The following PCTP variants were observed in gnomAD, a reference collection of about 807,000 sequenced individuals.
PCTP encodes phosphatidylcholine transfer protein.
A neutral mutation model predicts 31.0 loss-of-function variants in PCTP; 27 were observed. The ratio of observed to expected loss-of-function variants is 0.87; its 90% CI spans 0.64 to 1.20. The LOEUF is 1.20. PCTP is among the 50% of genes most tolerant of loss of function. The pLI is 0.00. For synonymous variants in PCTP, 108 were observed against 101.2 expected (o/e 1.07, Z -0.40); for missense variants, 287 against 268.2 (o/e 1.07, Z -0.49).
chr17:55,794,198 C>G (rs1213599986), intron 3 of PCTP, among the ~76,000 whole-genome samples: 1 of 152,074 alleles, frequency 6.6e-6, no homozygotes, highest in Non-Finnish European at 1.5e-5. Context: ...CCCTCTTGCT[C>G]TAATTACATT....
intron 3 of PCTP, among the ~76,000 whole-genome samples, chr17:55,805,136 T>G (rs970476894): frequency 1.8e-4 from 28 of 152,296 alleles, no homozygotes; most frequent in Admixed American, 9.2e-4. Context: ...AATTTGGGGA[T>G]GGGTTGTTTT....
At chr17:55,773,936 C>A (rs749300850) in intron 4 of PCTP, 41 bp downstream of exon 4, 1 of 1,541,926 alleles carries the variant, frequency 6.5e-7, no homozygotes, top group Non-Finnish European at 8.8e-7. Flanking sequence ...AGCCAGGGGT[C>A]CCCCACGGGA....
At chr17:55,810,307 G>C (rs1332225728) in intron 3 of PCTP, among the ~76,000 whole-genome samples, 1 of 152,200 alleles carries the variant, frequency 6.6e-6, no homozygotes, top group Admixed American at 6.5e-5. Flanking sequence ...TTGAGCCATG[G>C]TGCCTGGCCG....
chr17:55,776,350 G>C lies in PCTP; in HGVS notation c.*250G>C. On this transcript the variant is annotated 3_prime_UTR_variant, in exon 6 of 6. Transcript: ENST00000268896. The stretch of plus-strand genomic sequence containing the variant: ...TCTCGCTCCCCCCATCCTGGGCTGG[G>C]CTGCCTTCTTCTACAGTTCAATATG... 1 of 1,346,570 alleles carries C rather than the reference G, an allele frequency of 7.4e-7. No individual in the cohort carries two copies. The highest frequency in any genetic ancestry group is 9.5e-7 in the Non-Finnish European group (1 of 1,053,494). The allele number at this position is 1,346,570 out of a possible 1,614,324, so 83.4% of individuals were successfully genotyped here.
chr17:55,840,294 A>G (rs1389929165), intron 5 of PCTP, among the ~76,000 whole-genome samples: 3 of 152,252 alleles, frequency 2.0e-5, no homozygotes, highest in Non-Finnish European at 4.4e-5. Flanking sequence ...CTCATCACAT[A>G]CAACATGAAT....
chr17:55,776,759 G>A lies in PCTP; in HGVS notation c.*659G>A. On this transcript the variant is annotated 3_prime_UTR_variant, in exon 6 of 6. Coordinates refer to ENST00000268896, the MANE Select transcript of PCTP (RefSeq NM_021213.4). The stretch of plus-strand genomic sequence containing the variant: ...CCAGACCATTTGGAGAAGTATCAGA[G>A]GCCTGACCGGACACATAATATGACA... The A allele has an allele frequency of 8.7e-7, 1 of 1,144,492 alleles. No homozygotes were observed. The highest frequency in any genetic ancestry group is 1.1e-6 in the Non-Finnish European group (1 of 932,728). The allele number at this position is 1,144,492 out of a possible 1,614,324, so 70.9% of individuals were successfully genotyped here.
downstream of PCTP, among the ~76,000 whole-genome samples, chr17:55,823,762 A>T (rs1475937524): frequency 6.6e-6 from 1 of 152,184 alleles, no homozygotes; most frequent in Non-Finnish European, 1.5e-5. Flanking sequence ...ATGTCCAGAG[A>T]CACAACTTTT....
chr17:55,759,185 C>T (rs779985871), intron 1 of PCTP, among the ~76,000 whole-genome samples: 1 of 152,174 alleles, frequency 6.6e-6, no homozygotes, highest in Non-Finnish European at 1.5e-5. Flanking sequence ...CATCTTTAAG[C>T]CTCAGTTTTC....
intron 3 of PCTP, among the ~76,000 whole-genome samples, chr17:55,802,115 G>C (rs1912404543): frequency 6.6e-6 from 1 of 152,146 alleles, no homozygotes; most frequent in African/African-American, 2.4e-5. Context: ...AGAAAATCTA[G>C]AAGAAATGGA....
At chr17:55,805,337 AT>A (rs1912540072) in intron 3 of PCTP, among the ~76,000 whole-genome samples, 1 of 151,870 alleles carries the variant, frequency 6.6e-6, no homozygotes, top group Non-Finnish European at 1.5e-5. Context: ...CCAGTAGGCA[AT>A]TTTTCAACCT....
intron 3 of PCTP, among the ~76,000 whole-genome samples, chr17:55,800,734 C>A (rs1912347367): frequency 6.6e-6 from 1 of 152,074 alleles, no homozygotes; most frequent in South Asian, 2.1e-4. Context: ...AGCCTTTTTG[C>A]ACTGTTTTTT....
intron 3 of PCTP, among the ~76,000 whole-genome samples, chr17:55,822,171 A>AAC (rs763192610): frequency 6.6e-6 from 1 of 152,224 alleles, no homozygotes; most frequent in African/African-American, 2.4e-5. Context: ...AAGCCCACAA[A>AAC]ACAAAGACGT....
chr17:55,836,518 T>C (rs1397317417), intron 5 of PCTP, among the ~76,000 whole-genome samples: 1 of 152,208 alleles, frequency 6.6e-6, no homozygotes, highest in Non-Finnish European at 1.5e-5. Context: ...AATGGCCACC[T>C]AACGCATATT....
Position 55,776,313 on chromosome 17 carries a change from G to T in PCTP, c.*213G>T, listed in dbSNP as rs780693107. 7.3e-7 allele frequency: 1 copy of T among 1,360,656 alleles called. No homozygotes were observed. The highest frequency in any genetic ancestry group is 3.4e-5 in the Admixed American group (1 of 29,140). The allele number at this position is 1,360,656 out of a possible 1,614,324, so 84.3% of individuals were successfully genotyped here. A position where few individuals can be genotyped will look rare whatever the true frequency, so the allele number is the denominator to read the frequency against. The stretch of plus-strand genomic sequence containing the variant: ...TGTTTGCCTGACATCCAGCTCACTC[G>T]TCTGCTTCCTTTCTCGCTCCCCCCA... On this transcript the variant is annotated 3_prime_UTR_variant, in exon 6 of 6. Transcript: ENST00000268896.
chr17:55,789,996 A>C (rs917403024), intron 3 of PCTP, among the ~76,000 whole-genome samples: 12 of 152,234 alleles, frequency 7.9e-5, no homozygotes, highest in African/African-American at 2.9e-4. Context: ...AGCCTGGTTC[A>C]ATATATGAAA....
chr17:55,810,783 C>G (rs372704033), intron 3 of PCTP, among the ~76,000 whole-genome samples: 1 of 152,144 alleles, frequency 6.6e-6, no homozygotes, highest in African/African-American at 2.4e-5. Context: ...AAAATTTAAA[C>G]GCAGAACTAT....
chr17:55,775,014 G>T (rs918674621), intron 5 of PCTP, among the ~76,000 whole-genome samples, 155 bp downstream of exon 5: 16 of 152,176 alleles, frequency 1.1e-4, no homozygotes, highest in African/African-American at 7.2e-5. Flanking sequence ...TCTGGTTAGG[G>T]CTGGGGCTGC....
chr17:55,755,009 A>G (rs1291744251), intron 1 of PCTP, among the ~76,000 whole-genome samples: 2 of 152,158 alleles, frequency 1.3e-5, no homozygotes, highest in African/African-American at 4.8e-5. Context: ...TTTTGTATAT[A>G]TAGCTCATAA....
chr17:55,830,234 G>A (rs936940715), intron 5 of PCTP, among the ~76,000 whole-genome samples: 1 of 152,270 alleles, frequency 6.6e-6, no homozygotes, highest in Non-Finnish European at 1.5e-5. Context: ...ACTGTGCTGC[G>A]GGGTAGGGGG....
Sources: gnomAD v4.1 joint callset for allele counts (sites outside exome capture counted in the v4.1 genomes callset) on GRCh38, gnomAD v4.1.1 for gene constraint, MANE v1.5 for transcripts, NCBI Gene and HGNC (gene_info 2026-07-23, HGNC 2026-07-21) for gene names.